The following POLR2F variants were observed in gnomAD, a reference collection of about 807,000 sequenced individuals.
POLR2F encodes DNA-directed RNA polymerases I, II, and III subunit RPABC2.
POLR2F carries 12 observed loss-of-function variants against 22.7 expected under a neutral mutation model. The ratio of observed to expected loss-of-function variants is 0.53; its 90% CI spans 0.34 to 0.86. The LOEUF (loss-of-function observed/expected upper bound fraction) is 0.86. Ranked by LOEUF, POLR2F falls within the 40% of genes least tolerant of loss-of-function variation. POLR2F has a pLI of 0.02. For missense variants in POLR2F, 126 were observed against 171.5 expected (o/e 0.73, Z 1.48); for synonymous variants, 57 against 66.0 (o/e 0.86, Z 0.66).
intron 5 of POLR2F, among the ~76,000 whole-genome samples, chr22:38,039,211 A>G (rs1378252272): frequency 2.0e-5 from 3 of 152,148 alleles, no homozygotes; most frequent in African/African-American, 7.2e-5. Flanking sequence ...GAAGCACCAG[A>G]TGGGGCTGTC....
rs1377301277 is a variant in POLR2F at position 38,031,773 on chromosome 22, G to A, written c.453-9295G>A. ...GCTGCCCCCAGACCAACCCCTCCCCGCTTCCCTGCCCCATCAACGGCCCCA... is the reference window on the plus strand; with the variant it reads ...GCTGCCCCCAGACCAACCCCTCCCCACTTCCCTGCCCCATCAACGGCCCCA... On this transcript the variant is annotated intron_variant, in intron 5 of 5. Coordinates refer to the POLR2F transcript ENST00000407936. This position sits in a 1 kb window ranked among gnomAD's most constrained non-coding sequence, Gnocchi z 4.1. Among the ~76,000 whole-genome samples, 3 of 151,612 alleles carry A rather than the reference G, an allele frequency of 2.0e-5. No individual in the cohort carries two copies. The highest frequency in any genetic ancestry group is 1.9e-4 in the East Asian group (1 of 5,176).
chr22:37,978,275 G>T lies in POLR2F; in HGVS notation c.293+11105G>T. 1 of 871,962 alleles carries T rather than the reference G, an allele frequency of 1.1e-6. No individual in the cohort carries two copies. Among genetic ancestry groups the T allele is most frequent in the African/African-American group, 1.7e-5 (1 of 59,034 alleles). 54.0% of individuals were successfully genotyped at this position (871,962 alleles called of 1,614,324 possible). On this transcript the variant is annotated intron_variant, in intron 4 of 4. Coordinates refer to the POLR2F transcript ENST00000405557. The surrounding 1 kb of genome is among the most constrained non-coding windows in gnomAD (Gnocchi z 5.0). ...GGGCACCCAGAGGACAGGACCCGGGGTGGGGGCTGTGCCCTATGATTTGTG... is the reference window on the plus strand; with the variant it reads ...GGGCACCCAGAGGACAGGACCCGGGTTGGGGGCTGTGCCCTATGATTTGTG...
intron 1 of POLR2F, among the ~76,000 whole-genome samples, chr22:38,021,000 C>G (rs1005651194): frequency 4.6e-5 from 7 of 152,210 alleles, no homozygotes; most frequent in African/African-American, 1.7e-4. Flanking sequence ...TTACTCCTGT[C>G]CCTTTGCTCA....
chr22:37,954,894 G>C (rs151035977), intron 1 of POLR2F, among the ~76,000 whole-genome samples: 2 of 152,140 alleles, frequency 1.3e-5, no homozygotes, highest in Non-Finnish European at 2.9e-5. Flanking sequence ...AGCCGGGGAG[G>C]TGGGGGAACA....
At chr22:38,013,083 C>T (rs1350534834) in intron 1 of POLR2F, among the ~76,000 whole-genome samples, 2 of 20,072 alleles carry the variant, frequency 1.0e-4, no homozygotes, top group Non-Finnish European at 1.7e-4. Flanking sequence ...ACTTCCTTCC[C>T]TTCCTTCCCT....
intron 1 of POLR2F, among the ~76,000 whole-genome samples, chr22:38,005,975 C>T (rs2084817639): frequency 6.6e-6 from 1 of 152,202 alleles, no homozygotes; most frequent in East Asian, 1.9e-4. Flanking sequence ...GTAATCCCAA[C>T]ATTTTGGGAG....
chr22:37,985,969 A>G (rs1244971438), upstream of POLR2F: 3 of 953,968 alleles, frequency 3.1e-6, no homozygotes, highest in African/African-American at 1.7e-5. Flanking sequence ...GCCTTGGACA[A>G]TCTCCCCCCA....
intron 1 of POLR2F, among the ~76,000 whole-genome samples, chr22:38,014,537 C>T (rs1272680511): frequency 5.6e-5 from 8 of 143,328 alleles, no homozygotes; most frequent in East Asian, 4.3e-4. Context: ...TTTTTTGAGA[C>T]GGAGACTCAG....
chr22:37,996,039 G>A (rs900953010), intron 1 of POLR2F, among the ~76,000 whole-genome samples: 2 of 151,980 alleles, frequency 1.3e-5, no homozygotes, highest in African/African-American at 4.8e-5. Context: ...AGGGTTAGAT[G>A]AGGCTGTCCA....
rs1932371279 is a variant in POLR2F at position 37,980,693 on chromosome 22, C to T, written c.293+13523C>T. On this transcript the variant is annotated intron_variant, in intron 4 of 4. Transcript: ENST00000405557. The surrounding 1 kb of genome is among the most constrained non-coding windows in gnomAD (Gnocchi z 4.1). ...TCCAGCTCTAACTCCAAACCCAGTC[C>T]TCATCTGCACCTTCCTGTCAGCCCT... is the stretch of plus-strand genomic sequence containing the variant. Among the ~76,000 whole-genome samples the T allele has an allele frequency of 6.6e-6, 1 of 152,240 alleles. No homozygotes were observed. The highest frequency in any genetic ancestry group is 2.4e-5 in the African/African-American group (1 of 41,466).
chr22:37,989,714 T>C (rs1330398442), intron 1 of POLR2F, among the ~76,000 whole-genome samples: 1 of 152,234 alleles, frequency 6.6e-6, no homozygotes, highest in Non-Finnish European at 1.5e-5. Flanking sequence ...GCCCAGCGAA[T>C]GATGACAGGG....
Position 37,968,700 on chromosome 22 carries a change from G to A in POLR2F, c.*985G>A, listed in dbSNP as rs1931953825. 1 of 985,330 alleles carries A rather than the reference G, an allele frequency of 1.0e-6. No homozygotes were observed. Among genetic ancestry groups the A allele is most frequent in the African/African-American group, 1.7e-5 (1 of 57,252 alleles). 61.0% of individuals were successfully genotyped at this position (985,330 alleles called of 1,614,324 possible). A position where few individuals can be genotyped will look rare whatever the true frequency, so the allele number is the denominator to read the frequency against. ...CATGAACAGGGATAGAGGGTAAACT[G>A]GCTCCCTGAATATGCCAGCCTTAAC... On this transcript the variant is annotated 3_prime_UTR_variant, in exon 5 of 5. Coordinates refer to ENST00000442738, the MANE Select transcript of POLR2F (RefSeq NM_021974.5).
intron 2 of POLR2F, among the ~76,000 whole-genome samples, chr22:37,957,989 G>T (rs1931468111): frequency 6.6e-6 from 1 of 152,030 alleles, no homozygotes; most frequent in Admixed American, 6.6e-5. Flanking sequence ...TGTTGTTGTT[G>T]TTGTTGTTTG....
rs1008368680 is a variant in POLR2F at position 37,974,498 on chromosome 22, G to A, written c.293+7328G>A. 2.6e-5 allele frequency among the ~76,000 whole-genome samples: 4 copies of A among 152,036 alleles called. No homozygotes were observed. The highest frequency in any genetic ancestry group is 4.2e-4 in the South Asian group (2 of 4,796). On this transcript the variant is annotated intron_variant, in intron 4 of 4. Coordinates refer to the POLR2F transcript ENST00000405557. The surrounding 1 kb of genome is among the most constrained non-coding windows in gnomAD (Gnocchi z 5.4). ...CTCCTGAGTAGCTGGAATTACAAGC[G>A]CCCACCACAATGCCCAGCTAATTTG...
intron 2 of POLR2F, among the ~76,000 whole-genome samples, chr22:37,957,924 C>T (rs565675211): frequency 2.7e-4 from 41 of 152,276 alleles, no homozygotes; most frequent in African/African-American, 8.9e-4. Flanking sequence ...CTGCCACTGC[C>T]CCCTGCAGAA....
chr22:37,980,333 C>T lies in POLR2F; in HGVS notation c.293+13163C>T, dbSNP rs988456289. 2.6e-5 allele frequency among the ~76,000 whole-genome samples: 4 copies of T among 152,126 alleles called. No individual in the cohort carries two copies. The highest frequency in any genetic ancestry group is 7.2e-5 in the African/African-American group (3 of 41,412). Reference sequence around the variant, plus strand: ...CTGGGATGGCTGGGGACATGGGACACAGAGCTCACTCTTTCACCTATCCTT... The same window carrying T: ...CTGGGATGGCTGGGGACATGGGACATAGAGCTCACTCTTTCACCTATCCTT... On this transcript the variant is annotated intron_variant, in intron 4 of 4. Coordinates refer to the POLR2F transcript ENST00000405557. This position sits in a 1 kb window ranked among gnomAD's most constrained non-coding sequence, Gnocchi z 4.1.
intron 1 of POLR2F, among the ~76,000 whole-genome samples, chr22:37,994,859 C>T (rs1011647462): frequency 1.3e-5 from 2 of 152,024 alleles, no homozygotes; most frequent in African/African-American, 4.8e-5. Context: ...CCAAGCTGGT[C>T]TCATTGAACT....
At chr22:37,961,242 A>C (rs1049519089) in intron 3 of POLR2F, among the ~76,000 whole-genome samples, 5 of 151,746 alleles carry the variant, frequency 3.3e-5, no homozygotes, top group African/African-American at 1.2e-4. Flanking sequence ...TTTTTTGTGG[A>C]GATAGGGGTC....
At chr22:38,015,022 G>A (rs2084904740) in intron 1 of POLR2F, among the ~76,000 whole-genome samples, 1 of 151,740 alleles carries the variant, frequency 6.6e-6, no homozygotes, top group Admixed American at 6.6e-5. Context: ...TGATCAGGCT[G>A]GTCTCAAACT....
Sources: gnomAD v4.1 joint callset for allele counts (sites outside exome capture counted in the v4.1 genomes callset) on GRCh38, gnomAD v4.1.1 for gene constraint, Gnocchi (gnomAD v3.1) non-coding constraint, MANE v1.5 for transcripts, NCBI Gene and HGNC (gene_info 2026-07-23, HGNC 2026-07-21) for gene names.